WDFY4: variants seen among roughly 807,000 people sequenced by gnomAD.
WDFY4 encodes the protein WD repeat- and FYVE domain-containing protein 4.
WDFY4 carries 169 observed loss-of-function variants against 351.9 expected under a neutral mutation model. The ratio of observed to expected loss-of-function variants is 0.48; its 90% confidence interval spans 0.42 to 0.55. The LOEUF (loss-of-function observed/expected upper bound fraction) is 0.55, where lower values mean the gene tolerates loss of function less well. Among genes scored for constraint, WDFY4 ranks in the 20% least tolerant of loss-of-function variants. The pLI is 0.00. For synonymous variants in WDFY4, 1,622 were observed against 1,574.6 expected (o/e 1.03, Z -0.71); for missense variants, 3,803 against 3,935.6 (o/e 0.97, Z 0.90).
At chr10:48,969,513 T>C (rs1047538133) in intron 56 of WDFY4, among the ~76,000 whole-genome samples, 1 of 152,162 alleles carries the variant, frequency 6.6e-6, no homozygotes, top group East Asian at 1.9e-4. Flanking sequence ...CATGGCCACA[T>C]TGAGCCCACC....
In WDFY4 at chr10:48,877,213, T is replaced by C. The variant is rs750130610; in HGVS notation, c.7167+14T>C. ...GATAAAGAAAAGGTAATATACCCCA[T>C]TGCAATAGCCTTTAAGATTTTTAAG... On this transcript the variant is annotated intron_variant, in intron 43 of 61. Coordinates refer to ENST00000325239, the MANE Select transcript of WDFY4 (RefSeq NM_001394531.1). 2.6e-6 allele frequency: 4 copies of C among 1,548,634 alleles called. No individual in the cohort carries two copies. The South Asian group carries it at 3.6e-5, about 14-fold the overall frequency.
At chr10:48,966,936 G>GACACCTCTTTCAGGCACACAC in intron 55 of WDFY4, 1 of 475,078 alleles carries the variant, frequency 2.1e-6, no homozygotes, top group Non-Finnish European at 3.7e-6. Context: ...TACACACACA[G>GACACCTCTTTCAGGCACACAC]ACACCTCTTT....
At chr10:48,741,771 C>A (rs1410179287) in intron 11 of WDFY4, among the ~76,000 whole-genome samples, 3 of 152,148 alleles carry the variant, frequency 2.0e-5, no homozygotes, top group Non-Finnish European at 4.4e-5. Context: ...CCTTCTCAGA[C>A]AATCCCCTTC....
chr10:48,840,713 C>G (rs955803428), intron 39 of WDFY4, among the ~76,000 whole-genome samples: 2 of 152,136 alleles, frequency 1.3e-5, no homozygotes, highest in Admixed American at 6.5e-5. Context: ...ACCAGTACAG[C>G]ATTAGTATCC....
At chr10:48,914,037 G>A (rs754736470) in intron 47 of WDFY4, 2 of 1,614,104 alleles carry the variant, frequency 1.2e-6, no homozygotes, top group African/African-American at 1.3e-5. Flanking sequence ...GGGGAAGGTG[G>A]TAATTCCCAT....
At chr10:48,907,135 G>A (rs771136258) in intron 47 of WDFY4, among the ~76,000 whole-genome samples, 3 of 152,106 alleles carry the variant, frequency 2.0e-5, no homozygotes, top group Non-Finnish European at 4.4e-5. Context: ...TTTTTGTACA[G>A]GCATTTCTTT....
intron 1 of WDFY4, among the ~76,000 whole-genome samples, chr10:48,691,774 G>C (rs183734694): frequency 9.2e-5 from 14 of 152,326 alleles, no homozygotes; most frequent in Non-Finnish European, 2.1e-4. Flanking sequence ...CAAAGATAAA[G>C]GTATGTACAC....
intron 20 of WDFY4, among the ~76,000 whole-genome samples, chr10:48,787,862 T>C (rs1376615604): frequency 1.5e-5 from 2 of 135,806 alleles, no homozygotes; most frequent in Admixed American, 7.1e-5. Flanking sequence ...TTCTTCTTTC[T>C]TCTTCTTTCT....
Position 48,887,418 on chromosome 10 carries a change from G to T in WDFY4, c.7168-3161G>T, listed in dbSNP as rs2070504603. 2.0e-5 allele frequency among the ~76,000 whole-genome samples: 3 copies of T among 152,196 alleles called. No homozygotes were observed. In the South Asian group the frequency reaches 6.2e-4, roughly 32 times the overall value. ...TAAATTAGTGTCACCTTGTGGGAGG[G>T]TAATCTGGCAATGGCTACTTGAATT... On this transcript the variant is annotated intron_variant, in intron 43 of 61. Transcript: ENST00000325239.
intron 60 of WDFY4, 43 bp downstream of exon 60, chr10:48,978,436 G>A (rs1314968416): frequency 2.4e-5 from 37 of 1,513,290 alleles, no homozygotes; most frequent in Non-Finnish European, 3.1e-5. Flanking sequence ...GCCTTGCCCT[G>A]CCCTCCTCAC....
intron 48 of WDFY4, among the ~76,000 whole-genome samples, chr10:48,942,871 A>G (rs1035642339): frequency 1.3e-5 from 2 of 152,210 alleles, no homozygotes; most frequent in African/African-American, 4.8e-5. Context: ...GGGACAGGGA[A>G]TAGGCAGTTC....
At chr10:48,774,208 A>G (rs1460707987) in intron 13 of WDFY4, among the ~76,000 whole-genome samples, 1 of 152,126 alleles carries the variant, frequency 6.6e-6, no homozygotes, top group African/African-American at 2.4e-5. Context: ...ATCTTTAGCC[A>G]TTGACCTCTC....
At chr10:48,824,883 A>G (rs2067943236) in intron 35 of WDFY4, among the ~76,000 whole-genome samples, 1 of 152,096 alleles carries the variant, frequency 6.6e-6, no homozygotes, top group South Asian at 2.1e-4. Context: ...TGTCCTCAAG[A>G]GATCTTCTTA....
intron 51 of WDFY4, among the ~76,000 whole-genome samples, chr10:48,953,333 TCACACACACACA>T (rs1554820608): frequency 7.8e-6 from 1 of 128,130 alleles, no homozygotes; most frequent in East Asian, 2.4e-4. Context: ...TCTCTCTCTC[TCACACACACACA>T]CACACACACA....
Position 48,923,627 on chromosome 10 carries a change from G to A in WDFY4, c.7587-18179G>A, listed in dbSNP as rs558750981. Among the ~76,000 whole-genome samples, 14 of 151,474 alleles carry A rather than the reference G, an allele frequency of 9.2e-5. 1 individual carries two copies. In the South Asian group the frequency reaches 2.1e-3, roughly 23 times the overall value. ...ATTATTAGTGCTTACTCATGCATTC[G>A]TTCATTTGTTCATTCACTGTATGAG... On this transcript the variant is annotated intron_variant, in intron 47 of 61. Coordinates refer to ENST00000325239, the MANE Select transcript of WDFY4 (RefSeq NM_001394531.1).
intron 38 of WDFY4, among the ~76,000 whole-genome samples, chr10:48,831,445 A>T (rs776176493): frequency 2.6e-5 from 4 of 152,228 alleles, no homozygotes; most frequent in Non-Finnish European, 5.9e-5. Flanking sequence ...CAAGGTGATC[A>T]CTGCTCTCAA....
rs34747490 is a variant in WDFY4, at chr10:48,808,718, A to T, written c.4838+760A>T. Among the ~76,000 whole-genome samples the T allele has an allele frequency of 2.8e-3, 423 of 152,362 alleles. 4 individuals carry two copies. Among genetic ancestry groups the T allele is most frequent in the Non-Finnish European group, 4.8e-3 (326 of 68,032 alleles). ...AAATCCTTTCTTTCTTAGAATCAAA[A>T]CATGGTAGAACTGGAAGATGCCTTG... is the stretch of plus-strand genomic sequence containing the variant. On this transcript the variant is annotated intron_variant, in intron 28 of 61. Transcript: ENST00000325239.
chr10:48,849,037 A>G (rs2068871344), intron 39 of WDFY4, among the ~76,000 whole-genome samples: 1 of 152,132 alleles, frequency 6.6e-6, no homozygotes, highest in Non-Finnish European at 1.5e-5. Context: ...TCTGCCCTCC[A>G]TGCATGGGGG....
intron 47 of WDFY4, among the ~76,000 whole-genome samples, chr10:48,918,161 G>A (rs1205743570): frequency 6.6e-6 from 1 of 152,136 alleles, no homozygotes; most frequent in Non-Finnish European, 1.5e-5. Context: ...ATACAAAGAA[G>A]GCAGGAAAAG....
Sources: allele counts gnomAD v4.1 joint callset (sites outside exome capture counted in the v4.1 genomes callset), GRCh38; gene constraint gnomAD v4.1.1; transcripts MANE v1.5; gene names NCBI Gene and HGNC (gene_info 2026-07-23, HGNC 2026-07-21).